The following TRABD variants were observed in gnomAD, a reference collection of about 807,000 sequenced individuals.
The protein encoded by TRABD is traB domain-containing protein.
TRABD carries 23 observed loss-of-function variants against 39.6 expected under a neutral mutation model. That is an observed-to-expected ratio of 0.58 (90% CI 0.42 to 0.82). The LOEUF (loss-of-function observed/expected upper bound fraction) is 0.82. Ranked by LOEUF, TRABD falls within the 40% of genes least tolerant of loss-of-function variation. TRABD has a pLI of 0.00. For missense variants in TRABD, 487 were observed against 544.9 expected (o/e 0.89, Z 1.06); for synonymous variants, 243 against 232.1 (o/e 1.05, Z -0.43).
At chr22:50,189,763 A>C (rs2063847337) in intron 1 of TRABD, among the ~76,000 whole-genome samples, 2 of 150,530 alleles carry the variant, frequency 1.3e-5, no homozygotes, top group African/African-American at 4.9e-5. Context: ...GCCGGACCCC[A>C]GGTGATGCTC....
At position 50,193,625 on chromosome 22, in the gene TRABD, G is replaced by C; in HGVS notation, c.83G>C (p.Arg28Thr). Residue 28 changes from arginine (R) to threonine (T), a missense_variant, in exon 3 of 10, where the codon AGG becomes ACG. Arg to Thr is a moderately conservative substitution (Grantham distance 71, BLOSUM62 -1). This residue lies in a region of TRABD where 358 missense variants were observed against 414.7 expected (regional missense o/e 0.86). Coordinates refer to ENST00000380909, the MANE Select transcript of TRABD (RefSeq NM_001320485.2). ...VPSEASEPVP[R>T]VLSGDPQNLS... ...TCAGAGGCTTCAGAGCCGGTGCCCA[G>C]GGTGCTTTCTGGAGACCCCCAGAAC... 6.2e-7 allele frequency: 1 copy of C among 1,613,838 alleles called. No individual in the cohort carries two copies. Among genetic ancestry groups the C allele is most frequent in the Non-Finnish European group, 8.5e-7 (1 of 1,179,964 alleles).
intron 5 of TRABD, 50 bp from the exon 6 acceptor site, chr22:50,197,191 G>GCGGGGGGGCCCCC: frequency 6.4e-7 from 1 of 1,553,434 alleles, no homozygotes; most frequent in African/African-American, 1.4e-5. Context: ...TTCCCCCAGC[G>GCGGGGGGGCCCCC]CACCCCCGCA....
intron 1 of TRABD, among the ~76,000 whole-genome samples, chr22:50,189,282 ACGG>A (rs1312710166): frequency 6.6e-6 from 1 of 152,170 alleles, no homozygotes; most frequent in Non-Finnish European, 1.5e-5. Context: ...CCCGCCTTAA[ACGG>A]CGGCTCCTGC....
In TRABD at chr22:50,197,222, C is replaced by CT; in HGVS notation, c.421-18dup. The CT allele has an allele frequency of 6.2e-7, 1 of 1,611,212 alleles. No homozygotes were observed. Among genetic ancestry groups the CT allele is most frequent in the East Asian group, 2.2e-5 (1 of 44,866 alleles). Reference sequence around the variant, plus strand: ...CCGCACCCGCCCCTCCAGCTGATGCCTGCTCCCTCTCTCTGCAGAACGGGC... The same window carrying CT: ...CCGCACCCGCCCCTCCAGCTGATGCCTTGCTCCCTCTCTCTGCAGAACGGGC... On this transcript the variant is annotated intron_variant, in intron 5 of 9. Transcript: ENST00000380909.
Position 50,197,898 on chromosome 22 carries a change from A to G in TRABD, c.747A>G (p.Pro249=), listed in dbSNP as rs2147139583. The G allele has an allele frequency of 6.2e-7, 1 of 1,612,276 alleles. No individual in the cohort carries two copies. The highest frequency in any genetic ancestry group is 8.5e-7 in the Non-Finnish European group (1 of 1,179,848). ...TGGCCGAGATGATTGGCGAGTTCCC[A>G]GACCTGCACCGCACCATCGTCTCGG... The part of the protein sequence containing the change: ...QMMAEMIGEF[P]DLHRTIVSER... The change falls in exon 8 of 10, where the codon CCA becomes CCG. Residue 249 remains proline (P), a synonymous_variant. Transcript: ENST00000380909.
chr22:50,189,865 A>G (rs948114510), intron 1 of TRABD, among the ~76,000 whole-genome samples: 2 of 152,168 alleles, frequency 1.3e-5, no homozygotes, highest in Admixed American at 1.3e-4. Flanking sequence ...GCTGGGAACC[A>G]GGTGGGGGTT....
chr22:50,198,659 G>C lies in TRABD; in HGVS notation c.*140G>C. On this transcript the variant is annotated 3_prime_UTR_variant, in exon 10 of 10. Coordinates refer to ENST00000380909, the MANE Select transcript of TRABD (RefSeq NM_001320485.2). The surrounding 1 kb of genome is among the most constrained non-coding windows in gnomAD (Gnocchi z 7.9). The stretch of plus-strand genomic sequence containing the variant: ...GGCCCGGCCTCGCCTGCCCTCCTGG[G>C]CCAGTCACCCCTCCCCCAGCCCACC... 1.2e-6 allele frequency: 1 copy of C among 810,102 alleles called. No homozygotes were observed. Among genetic ancestry groups the C allele is most frequent in the South Asian group, 2.0e-5 (1 of 50,472 alleles). 50.2% of individuals were successfully genotyped at this position (810,102 alleles called of 1,614,324 possible).
At chr22:50,192,525 G>A (rs937157662) in intron 1 of TRABD, 1 of 155,484 alleles carries the variant, frequency 6.4e-6, no homozygotes, top group East Asian at 1.9e-4. Context: ...GTTGATTTGT[G>A]TGCTTTGTGG....
At chr22:50,190,356 G>T (rs183862044) in intron 1 of TRABD, among the ~76,000 whole-genome samples, 2 of 152,182 alleles carry the variant, frequency 1.3e-5, no homozygotes, top group Non-Finnish European at 2.9e-5. Flanking sequence ...CCCATGGCAC[G>T]ACTGGGGTCA....
rs1483047599 is a variant in TRABD at position 50,198,360 on chromosome 22, C to T, written c.972C>T (p.Ser324=). 25 of 1,576,220 alleles carry T rather than the reference C, an allele frequency of 1.6e-5. No homozygotes were observed. The highest frequency in any genetic ancestry group is 8.1e-5 in the African/African-American group (6 of 73,952). The part of the protein sequence containing the change: ...IQEIMTVPPP[S]VSGRVSRLAV... ...CCTCCCACAGCGTGCCCCCGCCGTCCGTCTCCGGCAGAGTGTCTCGGTTGG... is the reference window on the plus strand; with the variant it reads ...CCTCCCACAGCGTGCCCCCGCCGTCTGTCTCCGGCAGAGTGTCTCGGTTGG... The change falls in exon 10 of 10, where the codon TCC becomes TCT. Residue 324 remains serine, a synonymous_variant. Transcript: ENST00000380909. The surrounding 1 kb of genome is among the most constrained non-coding windows in gnomAD (Gnocchi z 7.9).
At chr22:50,196,138 G>A (rs2064095260) in intron 5 of TRABD, among the ~76,000 whole-genome samples, 1 of 152,198 alleles carries the variant, frequency 6.6e-6, no homozygotes, top group Non-Finnish European at 1.5e-5. Flanking sequence ...CGCTTCACCT[G>A]TCCCCTCCCG....
intron 1 of TRABD, among the ~76,000 whole-genome samples, chr22:50,188,924 G>A (rs1011264430): frequency 2.0e-5 from 3 of 152,218 alleles, no homozygotes; most frequent in East Asian, 1.9e-4. Context: ...GGGCTTTTGC[G>A]CACAACAGAT....
rs926702832 is a variant in TRABD, at chr22:50,199,308, C to G, written c.*789C>G. On this transcript the variant is annotated 3_prime_UTR_variant, in exon 10 of 10. Transcript: ENST00000380909. ...GGTGCCTGGGGCATCTTGGCCCTCT[C>G]TGGGCAGACAATGTGTGCACCTATG... 1.2e-5 allele frequency: 7 copies of G among 574,214 alleles called. No individual in the cohort carries two copies. The highest frequency in any genetic ancestry group is 2.2e-5 in the Non-Finnish European group (7 of 318,528). 35.6% of individuals were successfully genotyped at this position (574,214 alleles called of 1,614,324 possible).
rs368666348 is a variant in TRABD at position 50,199,237 on chromosome 22, C to T, written c.*718C>T. 1.1e-4 allele frequency: 72 copies of T among 663,828 alleles called. No homozygotes were observed. The highest frequency in any genetic ancestry group is 5.5e-4 in the East Asian group (20 of 36,158). The allele number at this position is 663,828 out of a possible 1,614,324, so 41.1% of individuals were successfully genotyped here. A position where few individuals can be genotyped will look rare whatever the true frequency, so the allele number is the denominator to read the frequency against. The stretch of plus-strand genomic sequence containing the variant: ...GCCAAACATCAGCTCTGGGTCCAGG[C>T]GTGGCCTCAGCTGGGAGCCTGTGTC... On this transcript the variant is annotated 3_prime_UTR_variant, in exon 10 of 10. Transcript: ENST00000380909.
At chr22:50,194,547 G>A (rs2064029311) in intron 4 of TRABD, 41 bp downstream of exon 4, 1 of 1,556,236 alleles carries the variant, frequency 6.4e-7, no homozygotes, top group Non-Finnish European at 8.7e-7. Flanking sequence ...ACGGGTTGGT[G>A]TAAGCTCCTG....
Position 50,198,170 on chromosome 22 carries a change from A to G in TRABD, c.940A>G (p.Ile314Val). ...IEKNWSTDLN[I>V]QEIMTVPPPS... The stretch of plus-strand genomic sequence containing the variant: ...GAAGAACTGGAGCACCGACCTCAAC[A>G]TCCAGGAGATCATGACGTGAGTGCC... The change falls in exon 9 of 10, where the codon ATC becomes GTC. Residue 314 changes from isoleucine (I) to valine (V), a missense_variant. By Grantham distance (29) the Ile-to-Val change is conservative. Transcript: ENST00000380909. This position sits in a 1 kb window ranked among gnomAD's most constrained non-coding sequence, Gnocchi z 7.9. 2 of 1,611,358 alleles carry G rather than the reference A, an allele frequency of 1.2e-6. No homozygotes were observed. The highest frequency in any genetic ancestry group is 1.7e-6 in the Non-Finnish European group (2 of 1,179,220).
Position 50,198,493 on chromosome 22 carries a change from A to G in TRABD, c.1105A>G (p.Arg369Gly). ...GCCCGCCGCGCAGTACTGCCTGCAG[A>G]GGGTGACCGAGGCCCGGCACAAGTA... is the stretch of plus-strand genomic sequence containing the variant. Reference protein sequence around the residue: ...SLPAAQYCLQRVTEARHK With the variant: ...SLPAAQYCLQGVTEARHK Residue 369 changes from arginine to glycine, a missense_variant, in exon 10 of 10, where the codon AGG (arginine) becomes GGG (glycine). Arg to Gly is a moderately radical substitution (Grantham distance 125). This residue lies in a region of TRABD where 123 missense variants were observed against 108.3 expected (regional missense o/e 1.14). Transcript: ENST00000380909. The surrounding 1 kb of genome is among the most constrained non-coding windows in gnomAD (Gnocchi z 7.9). 2 of 1,576,298 alleles carry G rather than the reference A, an allele frequency of 1.3e-6. No individual in the cohort carries two copies. The highest frequency in any genetic ancestry group is 1.1e-5 in the South Asian group (1 of 88,248).
rs2064239911 is a variant in TRABD at position 50,199,224 on chromosome 22, C to T, written c.*705C>T. 32 of 689,782 alleles carry T rather than the reference C, an allele frequency of 4.6e-5. No individual in the cohort carries two copies. The South Asian group carries it at 4.9e-4, about 11-fold the overall frequency. 42.7% of individuals were successfully genotyped at this position (689,782 alleles called of 1,614,324 possible). On this transcript the variant is annotated 3_prime_UTR_variant, in exon 10 of 10. Transcript: ENST00000380909. ...GGGCTCGCGTGCAGCCAAACATCAG[C>T]TCTGGGTCCAGGCGTGGCCTCAGCT...
chr22:50,191,085 A>C, intron 1 of TRABD, among the ~76,000 whole-genome samples: 1 of 152,094 alleles, frequency 6.6e-6, no homozygotes, highest in Non-Finnish European at 1.5e-5. Context: ...CCTGGTGTTT[A>C]TCAGCTGTCT....
Sources: allele counts gnomAD v4.1 joint callset (sites outside exome capture counted in the v4.1 genomes callset), GRCh38; gene constraint gnomAD v4.1.1; regional missense constraint gnomAD v4.1.1; non-coding constraint Gnocchi (gnomAD v3.1); transcripts MANE v1.5; gene names NCBI Gene and HGNC (gene_info 2026-07-23, HGNC 2026-07-21).